Variants in CCSER1 observed in about 807,000 individuals in gnomAD.
CCSER1 encodes serine-rich coiled-coil domain-containing protein 1.
Under a neutral mutation model 82.0 loss-of-function variants are expected in CCSER1, and 41 were observed. The observed-to-expected ratio is 0.50, with a 90% CI of 0.39 to 0.65. The LOEUF is 0.65. CCSER1 is among the 30% of genes least tolerant of loss of function. CCSER1 has a pLI of 0.00. For missense variants in CCSER1, 1,119 were observed against 1,064.2 expected (o/e 1.05, Z -0.72); for synonymous variants, 414 against 383.9 (o/e 1.08, Z -0.92).
chr4:91,122,579 T>G (rs932353505), intron 10 of CCSER1, among the ~76,000 whole-genome samples: 2 of 151,766 alleles, frequency 1.3e-5, no homozygotes, highest in Non-Finnish European at 3.0e-5. Context: ...GAAAAACCTA[T>G]TAAATACTGA....
chr4:90,484,840 G>T (rs1446680786), intron 5 of CCSER1, among the ~76,000 whole-genome samples: 1 of 152,236 alleles, frequency 6.6e-6, no homozygotes, highest in East Asian at 1.9e-4. Flanking sequence ...CTCTTGAGGA[G>T]ACAGTCTGCT....
At chr4:90,563,059 G>A (rs1303917430) in intron 5 of CCSER1, among the ~76,000 whole-genome samples, 4 of 151,526 alleles carry the variant, frequency 2.6e-5, no homozygotes, top group African/African-American at 9.7e-5. Flanking sequence ...ATAACCCTTG[G>A]CATTTTATAA....
intron 10 of CCSER1, among the ~76,000 whole-genome samples, chr4:91,167,949 C>T (rs1560485932): frequency 6.6e-6 from 1 of 150,858 alleles, no homozygotes; most frequent in African/African-American, 2.4e-5. Context: ...TGCCCGGCCA[C>T]CACCCCGTCT....
Position 90,704,880 on chromosome 4 carries a change from C to G in CCSER1, c.1933-19034C>G, listed in dbSNP as rs551612031. 3.9e-5 allele frequency among the ~76,000 whole-genome samples: 6 copies of G among 152,212 alleles called. No individual in the cohort carries two copies. In the East Asian group the frequency reaches 7.7e-4, roughly 20 times the overall value. ...TATTCTTGTTAGCCATTCATCTAAT[C>G]TTTTTTCAAGGTTTTTAGCTTCTTT... On this transcript the variant is annotated intron_variant, in intron 6 of 10. Coordinates refer to ENST00000509176, the MANE Select transcript of CCSER1 (RefSeq NM_001145065.2).
chr4:90,313,224 T>G (rs1169598179), intron 3 of CCSER1, 177 bp downstream of exon 3: 1 of 594,672 alleles, frequency 1.7e-6, no homozygotes, highest in Non-Finnish European at 3.0e-6. Flanking sequence ...TAGGTCAGGA[T>G]GGAGTTCACC....
intron 10 of CCSER1, among the ~76,000 whole-genome samples, chr4:91,495,239 G>A (rs1446602300): frequency 2.0e-5 from 3 of 151,390 alleles, no homozygotes; most frequent in Admixed American, 1.3e-4. Context: ...ATGTCATTAG[G>A]TATATATATT....
At chr4:90,267,168 C>G (rs1280512195) in intron 1 of CCSER1, among the ~76,000 whole-genome samples, 2 of 151,948 alleles carry the variant, frequency 1.3e-5, no homozygotes, top group Admixed American at 1.3e-4. Flanking sequence ...CTGAAGAGTA[C>G]TTGGGCCTTA....
At chr4:91,164,961 C>G (rs1276202255) in intron 10 of CCSER1, among the ~76,000 whole-genome samples, 1 of 152,186 alleles carries the variant, frequency 6.6e-6, no homozygotes, top group African/African-American at 2.4e-5. Flanking sequence ...CTCCGTCCAC[C>G]TTTTTTCCAT....
chr4:90,703,136 A>T (rs1454822430), intron 6 of CCSER1, among the ~76,000 whole-genome samples: 1 of 152,158 alleles, frequency 6.6e-6, no homozygotes, highest in East Asian at 1.9e-4. Context: ...CTCTACACAC[A>T]GCTTTTAGTG....
intron 4 of CCSER1, among the ~76,000 whole-genome samples, chr4:90,406,758 T>C (rs186550054): frequency 6.6e-6 from 1 of 152,290 alleles, no homozygotes; most frequent in Non-Finnish European, 1.5e-5. Flanking sequence ...TGCATGATCA[T>C]TGGGTGACTA....
chr4:90,652,902 A>G (rs756426494), intron 6 of CCSER1, among the ~76,000 whole-genome samples: 4 of 152,144 alleles, frequency 2.6e-5, no homozygotes, highest in Non-Finnish European at 4.4e-5. Flanking sequence ...CTCATTGGGA[A>G]GGTTTGGTCT....
chr4:91,091,557 C>G (rs542566329), intron 10 of CCSER1, among the ~76,000 whole-genome samples: 1 of 152,206 alleles, frequency 6.6e-6, no homozygotes, highest in African/African-American at 2.4e-5. Flanking sequence ...ATAAGTCCCA[C>G]GACTATTTTC....
intron 4 of CCSER1, among the ~76,000 whole-genome samples, chr4:90,422,531 G>A (rs1324846444): frequency 2.0e-5 from 3 of 152,058 alleles, no homozygotes; most frequent in Admixed American, 1.3e-4. Flanking sequence ...GGAAGTTGAG[G>A]CTGCTGTGAG....
chr4:90,574,491 A>T (rs1402203984), intron 5 of CCSER1, among the ~76,000 whole-genome samples: 1 of 150,382 alleles, frequency 6.6e-6, no homozygotes, highest in Admixed American at 6.6e-5. Flanking sequence ...GATGGTCTCG[A>T]TCTCCTGACC....
intron 8 of CCSER1, 113 bp downstream of exon 8, chr4:90,815,958 G>T: frequency 1.7e-6 from 1 of 599,748 alleles, no homozygotes; most frequent in Non-Finnish European, 2.9e-6. Flanking sequence ...CCTTCCAGTG[G>T]TTCAATCCAA....
At chr4:91,488,508 G>T (rs1411781139) in intron 10 of CCSER1, among the ~76,000 whole-genome samples, 1 of 152,156 alleles carries the variant, frequency 6.6e-6, no homozygotes, top group African/African-American at 2.4e-5. Context: ...TGGAGGAGGG[G>T]CCTGGTGGGA....
chr4:90,586,547 CA>C (rs1489901337), intron 5 of CCSER1, among the ~76,000 whole-genome samples: 2 of 152,104 alleles, frequency 1.3e-5, no homozygotes, highest in African/African-American at 4.8e-5. Context: ...TTAATATAGT[CA>C]GTCAGAGAAC....
chr4:90,165,883 C>A (rs947176121), intron 1 of CCSER1, among the ~76,000 whole-genome samples: 1 of 151,918 alleles, frequency 6.6e-6, no homozygotes, highest in East Asian at 1.9e-4. Flanking sequence ...TGAGTGAAAC[C>A]AGAGGATCAT....
chr4:91,283,032 GTTA>G (rs1163049681), intron 10 of CCSER1, among the ~76,000 whole-genome samples: 3 of 151,760 alleles, frequency 2.0e-5, no homozygotes, highest in East Asian at 1.9e-4. Flanking sequence ...TCATTTCTAA[GTTA>G]TTATATTTAT....
Sources: gnomAD v4.1 joint callset for allele counts (sites outside exome capture counted in the v4.1 genomes callset) on GRCh38, gnomAD v4.1.1 for gene constraint, MANE v1.5 for transcripts, NCBI Gene and HGNC (gene_info 2026-07-23, HGNC 2026-07-21) for gene names.